Variants in CIITA observed in about 807,000 individuals in gnomAD.
CIITA encodes class II major histocompatibility complex transactivator, also known as MHC class II transactivator.
In CIITA, 72 loss-of-function variants were observed where a neutral mutation model predicts 115.1. The observed-to-expected ratio is 0.63, with a 90% CI of 0.52 to 0.76. The LOEUF (loss-of-function observed/expected upper bound fraction) is 0.76. Among genes scored for constraint, CIITA ranks in the 30% least tolerant of loss-of-function variants. The probability of loss-of-function intolerance (pLI) is 0.00; values close to 1 mark genes in which losing one functional copy is unlikely to be tolerated. For missense variants in CIITA, 1,617 were observed against 1,463.8 expected (o/e 1.10, Z -1.71); for synonymous variants, 763 against 635.6 (o/e 1.20, Z -3.02).
chr16:10,904,313 A>G lies in CIITA; in HGVS notation c.937+418A>G, dbSNP rs182914861. On this transcript the variant is annotated intron_variant, in intron 9 of 19. Transcript: ENST00000324288. The stretch of plus-strand genomic sequence containing the variant: ...CTCAGATCACTGCAACCTCCGCCCT[A>G]CAGGTTCAAGTGATTCTCCTGCCTC... 5.9e-5 allele frequency among the ~76,000 whole-genome samples: 9 copies of G among 152,206 alleles called. 1 individual carries two copies. The East Asian group carries it at 1.7e-3, about 29-fold the overall frequency.
intron 13 of CIITA, among the ~76,000 whole-genome samples, chr16:10,914,596 T>A (rs192484130): frequency 6.6e-6 from 1 of 152,356 alleles, no homozygotes; most frequent in Non-Finnish European, 1.5e-5. Flanking sequence ...TTTAACCATA[T>A]TTTTAAACTA....
At chr16:10,877,045 G>A (rs3087456), upstream of CIITA, among the ~76,000 whole-genome samples, 80,403 of 152,140 alleles carry the variant, frequency 0.53, 26,202 homozygotes, top group Non-Finnish European at 0.73. Context: ...TCAGAGGTGT[G>A]GGGAGGGCTT....
At chr16:10,941,013 C>A, downstream of CIITA, 1 of 152,370 alleles carries the variant, frequency 6.6e-6, no homozygotes, top group Non-Finnish European at 1.5e-5. This position sits in a 1 kb window ranked among gnomAD's most constrained non-coding sequence, Gnocchi z 6.4. Flanking sequence ...TAGCAGCAAA[C>A]CCAAGGCCAA....
intron 1 of CIITA, among the ~76,000 whole-genome samples, chr16:10,886,594 C>A (rs1287688036): frequency 3.3e-5 from 5 of 152,266 alleles, no homozygotes; most frequent in Non-Finnish European, 7.3e-5. Flanking sequence ...TACATTCCCA[C>A]AAACCCGTGT....
intron 12 of CIITA, among the ~76,000 whole-genome samples, chr16:10,909,389 CATT>C (rs2039403711): frequency 6.6e-6 from 1 of 152,248 alleles, no homozygotes; most frequent in Non-Finnish European, 1.5e-5. Context: ...AACTTTGCTG[CATT>C]CAAAACCTGC....
chr16:10,912,669 A>T (rs1471417222), intron 13 of CIITA, among the ~76,000 whole-genome samples: 1 of 152,240 alleles, frequency 6.6e-6, no homozygotes, highest in Non-Finnish European at 1.5e-5. Flanking sequence ...AGAGGTAAAA[A>T]TGATGCTGAA....
chr16:10,919,403 G>T (rs190483556), intron 16 of CIITA, among the ~76,000 whole-genome samples: 1 of 152,246 alleles, frequency 6.6e-6, no homozygotes, highest in Admixed American at 6.5e-5. Flanking sequence ...CGCCATGTTG[G>T]CCAGGCTGGT....
upstream of CIITA, among the ~76,000 whole-genome samples, chr16:10,873,269 G>T (rs1329891526): frequency 6.6e-6 from 1 of 152,190 alleles, no homozygotes; most frequent in Non-Finnish European, 1.5e-5. Context: ...GCCTGATAAT[G>T]TGTCTTTCAA....
downstream of CIITA, chr16:10,937,667 C>T (rs988776446): frequency 1.3e-5 from 2 of 152,200 alleles, no homozygotes; most frequent in African/African-American, 2.4e-5. This position sits in a 1 kb window ranked among gnomAD's most constrained non-coding sequence, Gnocchi z 4.2. Context: ...CATTAGGAAC[C>T]GGGACGAATA....
rs560071359 is a variant in CIITA, at chr16:10,916,271, G to A, written c.2970-96G>A. ...TGTATTAGAGCTGGGGGGTGGGAAG[G>A]GCAGGTGCCAGGGCTGAGGAGGCCC... On this transcript the variant is annotated intron_variant, in intron 14 of 19. Transcript: ENST00000324288. 9.8e-6 allele frequency: 11 copies of A among 1,119,874 alleles called. No homozygotes were observed. The Admixed American group carries it at 1.5e-4, about 16-fold the overall frequency. The allele number at this position is 1,119,874 out of a possible 1,614,324, so 69.4% of individuals were successfully genotyped here. A position where few individuals can be genotyped will look rare whatever the true frequency, so the allele number is the denominator to read the frequency against.
At chr16:10,902,451 G>T (rs557888281) in intron 7 of CIITA, among the ~76,000 whole-genome samples, 2 of 152,148 alleles carry the variant, frequency 1.3e-5, no homozygotes, top group African/African-American at 4.8e-5. Flanking sequence ...AGCCTTATTC[G>T]TTCATCAGCT....
At chr16:10,889,373 A>T (rs1388973208) in intron 1 of CIITA, among the ~76,000 whole-genome samples, 1 of 151,932 alleles carries the variant, frequency 6.6e-6, no homozygotes, top group Admixed American at 6.6e-5. Context: ...TTGTGGGGAA[A>T]CCTAGAGTCT....
rs1039182395 is a variant in CIITA, at chr16:10,895,203, C to A, written c.53-79C>A. ...TCCTCTCATCCCCAGCCCTCACCAGCTGGGAGTTGTTGTAGGTGTCAATTT... is the reference window on the plus strand; with the variant it reads ...TCCTCTCATCCCCAGCCCTCACCAGATGGGAGTTGTTGTAGGTGTCAATTT... On this transcript the variant is annotated intron_variant, in intron 1 of 19. Transcript: ENST00000324288. The A allele has an allele frequency of 2.7e-5, 42 of 1,550,666 alleles. No individual in the cohort carries two copies. In the African/African-American group the frequency reaches 5.6e-4, roughly 21 times the overall value.
At chr16:10,937,448 T>C (rs751768131), downstream of CIITA, 4 of 152,358 alleles carry the variant, frequency 2.6e-5, no homozygotes, top group African/African-American at 9.7e-5. This position sits in a 1 kb window ranked among gnomAD's most constrained non-coding sequence, Gnocchi z 4.2. Flanking sequence ...GGGACCAGGT[T>C]AGGAAGGAGC....
At chr16:10,871,598 G>A (rs569611461) in intron 1 of CIITA, among the ~76,000 whole-genome samples, 4 of 152,268 alleles carry the variant, frequency 2.6e-5, no homozygotes, top group South Asian at 2.1e-4. Flanking sequence ...CTTAGGGATC[G>A]CTAAGCTCCC....
intron 3 of CIITA, among the ~76,000 whole-genome samples, chr16:10,896,520 T>C (rs1460076442): frequency 6.6e-6 from 1 of 152,160 alleles, no homozygotes; most frequent in Admixed American, 6.5e-5. Context: ...GGTTTGTTTT[T>C]TGGGGGAGAG....
In CIITA at chr16:10,904,762, C is replaced by G; in HGVS notation, c.956C>G (p.Thr319Ser). The G allele has an allele frequency of 6.2e-7, 1 of 1,614,030 alleles. No homozygotes were observed. The highest frequency in any genetic ancestry group is 2.2e-5 in the East Asian group (1 of 44,898). Reference protein sequence around the residue: ...ANMTEHKTSPTQCPAAGEVSN... With the variant: ...ANMTEHKTSPSQCPAAGEVSN... ...TCTCCAGAGCACAAGACGTCCCCCA[C>G]CCAATGCCCGGCAGCTGGAGAGGTC... Residue 319 changes from threonine to serine, a missense_variant, in exon 10 of 20, where the codon ACC (threonine) becomes AGC (serine). Physicochemically the swap from Thr to Ser is moderately conservative, Grantham distance 58. Coordinates refer to ENST00000324288, the MANE Select transcript of CIITA (RefSeq NM_000246.4).
chr16:10,877,665 A>T (rs1198874680), intron 1 of CIITA, among the ~76,000 whole-genome samples: 1 of 152,146 alleles, frequency 6.6e-6, no homozygotes, highest in Non-Finnish European at 1.5e-5. Flanking sequence ...AACTCTCAGC[A>T]TGCTGGCCTG....
In CIITA at chr16:10,907,558, C is replaced by T. The variant is rs144027273; in HGVS notation, c.2066C>T (p.Ala689Val). Residue 689 changes from alanine to valine, a missense_variant, in exon 11 of 20, where the codon GCG becomes GTG. Ala to Val is a moderately conservative substitution (Grantham distance 64, BLOSUM62 0). Coordinates refer to ENST00000324288, the MANE Select transcript of CIITA (RefSeq NM_000246.4). The surrounding 1 kb of genome is among the most constrained non-coding windows in gnomAD (Gnocchi z 5.0). The stretch of plus-strand genomic sequence containing the variant: ...CCATCCGCAGACGTGAGGACCTGGG[C>T]GATGGCCAAAGGCTTAGTCCAACAC... ...QFPSADVRTWAMAKGLVQHPP... is the reference protein window; with the variant it reads ...QFPSADVRTWVMAKGLVQHPP... The T allele has an allele frequency of 4.5e-5, 72 of 1,614,036 alleles. No homozygotes were observed. The highest frequency in any genetic ancestry group is 2.9e-4 in the South Asian group (26 of 91,088).
Sources: gnomAD v4.1 joint callset for allele counts (sites outside exome capture counted in the v4.1 genomes callset) on GRCh38, gnomAD v4.1.1 for gene constraint, Gnocchi (gnomAD v3.1) non-coding constraint, MANE v1.5 for transcripts, NCBI Gene and HGNC (gene_info 2026-07-23, HGNC 2026-07-21) for gene names.